The following MAPK10 variants were observed in gnomAD, a reference collection of about 807,000 sequenced individuals.
MAPK10 encodes mitogen-activated protein kinase 10.
Under a neutral mutation model 59.3 loss-of-function variants are expected in MAPK10, and 25 were observed. That is an observed-to-expected ratio of 0.42 (90% CI 0.31 to 0.59). The LOEUF is 0.59. Among genes scored for constraint, MAPK10 ranks in the 20% least tolerant of loss-of-function variants. The pLI, the probability that MAPK10 is intolerant of heterozygous loss-of-function variation, is 0.15. For synonymous variants in MAPK10, 190 were observed against 200.5 expected (o/e 0.95, Z 0.44); for missense variants, 351 against 568.9 (o/e 0.62, Z 3.90).
chr4:86,229,206 C>G (rs916559804), intron 2 of MAPK10, among the ~76,000 whole-genome samples: 1 of 152,086 alleles, frequency 6.6e-6, no homozygotes, highest in African/African-American at 2.4e-5. Flanking sequence ...ATTTTTTTCA[C>G]ACTTCCACAT....
At chr4:86,558,196 C>T (rs181593609) in intron 1 of MAPK10, among the ~76,000 whole-genome samples, 1 of 152,104 alleles carries the variant, frequency 6.6e-6, no homozygotes, top group Admixed American at 6.5e-5. Flanking sequence ...ATATAGGATA[C>T]CTAAATAAAA....
chr4:86,338,604 TTATAGACACA>T (rs1217942430), intron 2 of MAPK10, among the ~76,000 whole-genome samples: 1 of 152,208 alleles, frequency 6.6e-6, no homozygotes, highest in African/African-American at 2.4e-5. Flanking sequence ...GTGTACTATT[TTATAGACACA>T]TGTTTTTCTT....
At position 86,014,413 on chromosome 4, in the gene MAPK10, CATATT is replaced by C. The variant is rs1342990421; in HGVS notation, c.*2810_*2814del. The C allele has an allele frequency of 6.6e-6, 1 of 151,184 alleles. No individual in the cohort carries two copies. The highest frequency in any genetic ancestry group is 1.5e-5 in the Non-Finnish European group (1 of 67,904). The allele number at this position is 151,184 out of a possible 1,614,324, so 9.4% of individuals were successfully genotyped here. On this transcript the variant is annotated 3_prime_UTR_variant, in exon 14 of 14. Coordinates refer to ENST00000641462, the MANE Select transcript of MAPK10 (RefSeq NM_138982.4). ...TTTGATAATATCATCACCTCCTAGA[CATATT>C]ATAGGAAAGCAGACCTAGTGGGCAA...
At chr4:86,487,945 G>A (rs1032658558) in intron 1 of MAPK10, among the ~76,000 whole-genome samples, 1 of 152,078 alleles carries the variant, frequency 6.6e-6, no homozygotes, top group Non-Finnish European at 1.5e-5. Context: ...GAGAGAGAGA[G>A]ATTATTGTCC....
intron 1 of MAPK10, among the ~76,000 whole-genome samples, chr4:86,423,957 T>A (rs1746919410): frequency 6.6e-6 from 1 of 151,730 alleles, no homozygotes; most frequent in Admixed American, 6.6e-5. Flanking sequence ...AGATTTGAGA[T>A]CCAAAAACCA....
chr4:86,033,828 GATGTCTTCT>G (rs2039611704), intron 11 of MAPK10, among the ~76,000 whole-genome samples: 1 of 152,176 alleles, frequency 6.6e-6, no homozygotes, highest in Non-Finnish European at 1.5e-5. Flanking sequence ...TTCACATACA[GATGTCTTCT>G]ATGTGACAAT....
At chr4:86,534,322 A>G (rs531880942) in intron 1 of MAPK10, among the ~76,000 whole-genome samples, 2 of 152,032 alleles carry the variant, frequency 1.3e-5, no homozygotes, top group South Asian at 4.2e-4. Flanking sequence ...ATTTTTTAAT[A>G]TTTTTCTTCT....
intron 1 of MAPK10, among the ~76,000 whole-genome samples, chr4:86,380,267 A>C (rs186970845): frequency 4.6e-5 from 7 of 152,078 alleles, no homozygotes; most frequent in Admixed American, 2.6e-4. Context: ...CCCCCAAAAA[A>C]ACCTGTTTGT....
upstream of MAPK10, among the ~76,000 whole-genome samples, chr4:86,363,845 C>T (rs922278011): frequency 1.3e-5 from 2 of 151,958 alleles, no homozygotes; most frequent in Non-Finnish European, 2.9e-5. Flanking sequence ...TGCAGTGGTG[C>T]AATCACAGCT....
At chr4:86,446,670 A>G (rs1311708533) in intron 1 of MAPK10, among the ~76,000 whole-genome samples, 1 of 152,172 alleles carries the variant, frequency 6.6e-6, no homozygotes. Context: ...GGTTGCGCCA[A>G]CTTGCACTCC....
At chr4:86,566,537 A>G (rs1761070327) in intron 1 of MAPK10, among the ~76,000 whole-genome samples, 1 of 151,956 alleles carries the variant, frequency 6.6e-6, no homozygotes, top group Non-Finnish European at 1.5e-5. Context: ...AACATGGTGA[A>G]ACCCTGTCTC....
chr4:86,330,195 C>T (rs1442271967), intron 2 of MAPK10, among the ~76,000 whole-genome samples: 1 of 152,122 alleles, frequency 6.6e-6, no homozygotes, highest in Non-Finnish European at 1.5e-5. Context: ...TGCTTGTTTT[C>T]AGTTTTTTTG....
intron 1 of MAPK10, among the ~76,000 whole-genome samples, chr4:86,474,034 G>A (rs759554054): frequency 7.9e-5 from 12 of 151,952 alleles, no homozygotes; most frequent in East Asian, 1.9e-4. Context: ...ACATTTCCAC[G>A]CATATATATG....
At chr4:86,552,638 G>C (rs1759945444) in intron 1 of MAPK10, among the ~76,000 whole-genome samples, 1 of 152,154 alleles carries the variant, frequency 6.6e-6, no homozygotes, top group South Asian at 2.1e-4. Flanking sequence ...TTGCATTTCT[G>C]CACATTGTGT....
At chr4:86,435,780 A>C (rs1748644626) in intron 1 of MAPK10, among the ~76,000 whole-genome samples, 2 of 152,168 alleles carry the variant, frequency 1.3e-5, no homozygotes, top group African/African-American at 4.8e-5. Flanking sequence ...AGTTTTGATA[A>C]TTATAGGCTT....
chr4:86,478,604 A>G (rs1753319676), intron 1 of MAPK10, among the ~76,000 whole-genome samples: 1 of 152,078 alleles, frequency 6.6e-6, no homozygotes, highest in Admixed American at 6.5e-5. Flanking sequence ...CTCTTTGTTG[A>G]GTCTCCCACA....
chr4:86,570,925 A>G (rs1761398750), intron 1 of MAPK10, among the ~76,000 whole-genome samples: 1 of 152,164 alleles, frequency 6.6e-6, no homozygotes, highest in Admixed American at 6.5e-5. Context: ...ATTGAATCTG[A>G]TTAGTTTCAG....
chr4:86,569,249 G>A (rs999182237), intron 1 of MAPK10, among the ~76,000 whole-genome samples: 2 of 151,920 alleles, frequency 1.3e-5, no homozygotes, highest in Non-Finnish European at 2.9e-5. Context: ...CCACAATGAG[G>A]TATCACCTTA....
intron 2 of MAPK10, among the ~76,000 whole-genome samples, chr4:86,204,271 C>T (rs1394008024): frequency 6.6e-6 from 1 of 151,876 alleles, no homozygotes; most frequent in Non-Finnish European, 1.5e-5. Context: ...TATATAAATG[C>T]ACAAAATAAT....
Sources: allele counts gnomAD v4.1 joint callset (sites outside exome capture counted in the v4.1 genomes callset), GRCh38; gene constraint gnomAD v4.1.1; transcripts MANE v1.5; gene names NCBI Gene and HGNC (gene_info 2026-07-23, HGNC 2026-07-21).